The following ERBB4 variants were observed in gnomAD, a reference collection of about 807,000 sequenced individuals.
ERBB4 encodes the protein receptor tyrosine-protein kinase erbB-4.
A neutral mutation model predicts 158.0 loss-of-function variants in ERBB4; 42 were observed. The observed-to-expected ratio is 0.27, with a 90% CI of 0.21 to 0.34. ERBB4 has a LOEUF of 0.34. Ranked by LOEUF, ERBB4 falls within the 10% of genes least tolerant of loss-of-function variation. The pLI is 1.00. For synonymous variants in ERBB4, 583 were observed against 558.7 expected, an observed-to-expected ratio of 1.04 and a Z score of -0.61; for missense variants, 1,333 against 1,624.1, an observed-to-expected ratio of 0.82 and a Z score of 3.08.
intron 1 of ERBB4, among the ~76,000 whole-genome samples, chr2:212,397,103 TATAA>T (rs1421314497): frequency 1.3e-5 from 2 of 152,172 alleles, no homozygotes; most frequent in East Asian, 1.9e-4. Context: ...TTAAAAAACA[TATAA>T]ATGTCTTATT....
intron 20 of ERBB4, among the ~76,000 whole-genome samples, chr2:211,458,168 CACA>C (rs2064432617): frequency 6.7e-6 from 1 of 148,334 alleles, no homozygotes; most frequent in Non-Finnish European, 1.5e-5. Context: ...ACACTGAGGT[CACA>C]ACACTTGCCC....
intron 15 of ERBB4, chr2:211,658,114 T>A: frequency 2.9e-6 from 2 of 688,624 alleles, no homozygotes; most frequent in Non-Finnish European, 4.7e-6. Context: ...TGGAACACAA[T>A]GAATTTCAAG....
At chr2:211,827,494 A>G (rs68029722) in intron 3 of ERBB4, among the ~76,000 whole-genome samples, 35,207 of 151,954 alleles carry the variant, frequency 0.23, 4,222 homozygotes, top group South Asian at 0.33. Flanking sequence ...TTCTGTTTGT[A>G]GTTAATTAAA....
chr2:212,249,655 C>T (rs559306679), intron 1 of ERBB4, among the ~76,000 whole-genome samples: 2 of 151,936 alleles, frequency 1.3e-5, no homozygotes, highest in South Asian at 4.1e-4. Context: ...CTGCTGCCCC[C>T]ACCTGGGCAT....
At chr2:211,906,135 G>A (rs2079386554) in intron 3 of ERBB4, among the ~76,000 whole-genome samples, 1 of 152,030 alleles carries the variant, frequency 6.6e-6, no homozygotes, top group Admixed American at 6.6e-5. Flanking sequence ...ACTGTTGGAA[G>A]GCAAGGTTGG....
chr2:211,764,766 A>C (rs1225721991), intron 4 of ERBB4, among the ~76,000 whole-genome samples: 1 of 152,188 alleles, frequency 6.6e-6, no homozygotes, highest in Non-Finnish European at 1.5e-5. Flanking sequence ...CACCCAAAAT[A>C]TATTAGAACA....
chr2:212,253,044 G>A (rs16848098), intron 1 of ERBB4, among the ~76,000 whole-genome samples: 6,871 of 152,124 alleles, frequency 0.045, 479 homozygotes, highest in African/African-American at 0.16. Context: ...ATTGAGAAAA[G>A]TCGTCAGTTA....
intron 1 of ERBB4, among the ~76,000 whole-genome samples, chr2:212,163,404 C>G (rs1521652): frequency 0.87 from 131,447 of 151,954 alleles, 58,140 homozygotes; most frequent in African/African-American, 0.91. Context: ...TAATTTAACC[C>G]AGTCAGTGCT....
intron 20 of ERBB4, among the ~76,000 whole-genome samples, chr2:211,553,658 A>T (rs1018820455): frequency 6.6e-6 from 1 of 152,180 alleles, no homozygotes; most frequent in African/African-American, 2.4e-5. Context: ...TCTTATCCTT[A>T]AAATTACCCT....
chr2:212,008,034 A>G (rs781354611), intron 2 of ERBB4, among the ~76,000 whole-genome samples: 125 of 152,188 alleles, frequency 8.2e-4, no homozygotes, highest in Non-Finnish European at 6.6e-4. Context: ...GATAACAAAC[A>G]TAAGCATATT....
At position 211,488,012 on chromosome 2, in the gene ERBB4, T is replaced by G. The variant is rs534659865; in HGVS notation, c.2488-56912A>C. ...AGTAATTAAGAAATGTCAGTGCTTC[T>G]CTGGAAAAAAAATTAACACTCATAC... On this transcript the variant is annotated intron_variant, in intron 20 of 27. Coordinates refer to ENST00000342788, the MANE Select transcript of ERBB4 (RefSeq NM_005235.3). Among the ~76,000 whole-genome samples the G allele has an allele frequency of 5.3e-5, 8 of 151,766 alleles. No individual in the cohort carries two copies. In the South Asian group the frequency reaches 1.7e-3, roughly 32 times the overall value.
intron 1 of ERBB4, among the ~76,000 whole-genome samples, chr2:212,289,194 T>C (rs2086115063): frequency 6.6e-6 from 1 of 152,198 alleles, no homozygotes; most frequent in African/African-American, 2.4e-5. Context: ...ATTTCAAGAA[T>C]CTACTTTTTT....
At chr2:211,713,447 A>C in intron 8 of ERBB4, 88 bp downstream of exon 8, 1 of 782,196 alleles carries the variant, frequency 1.3e-6, no homozygotes, top group South Asian at 1.4e-5. Flanking sequence ...GAGTGGGTTT[A>C]TATTAAAAAG....
chr2:212,133,998 C>T (rs1304661461), intron 1 of ERBB4, among the ~76,000 whole-genome samples: 1 of 152,058 alleles, frequency 6.6e-6, no homozygotes. Flanking sequence ...ATGAGCACAA[C>T]ATTTCTAGGA....
At chr2:212,142,414 G>C (rs747260887) in intron 1 of ERBB4, among the ~76,000 whole-genome samples, 82 of 151,560 alleles carry the variant, frequency 5.4e-4, no homozygotes, top group Middle Eastern at 3.4e-3. Flanking sequence ...TGGAATTCTG[G>C]CTAGAATTCC....
At chr2:211,964,792 T>G (rs990678799) in intron 2 of ERBB4, among the ~76,000 whole-genome samples, 1 of 152,158 alleles carries the variant, frequency 6.6e-6, no homozygotes, top group African/African-American at 2.4e-5. Flanking sequence ...CTACAGGACA[T>G]TTTTCTACTA....
chr2:212,299,769 T>C (rs1408705640), intron 1 of ERBB4, among the ~76,000 whole-genome samples: 1 of 151,650 alleles, frequency 6.6e-6, no homozygotes, highest in Non-Finnish European at 1.5e-5. Flanking sequence ...CAGTCTGTTG[T>C]TTGAAAAAGA....
intron 1 of ERBB4, among the ~76,000 whole-genome samples, chr2:212,251,584 A>C (rs987294609): frequency 6.6e-6 from 1 of 152,004 alleles, no homozygotes; most frequent in African/African-American, 2.4e-5. Flanking sequence ...CTAGATGAAG[A>C]AAGTGAGAGA....
At chr2:211,765,759 T>C (rs2075537193) in intron 4 of ERBB4, among the ~76,000 whole-genome samples, 1 of 152,244 alleles carries the variant, frequency 6.6e-6, no homozygotes, top group South Asian at 2.1e-4. Flanking sequence ...TGGTTGTCCA[T>C]CATTGTATTG....
Sources: allele counts gnomAD v4.1 joint callset (sites outside exome capture counted in the v4.1 genomes callset), GRCh38; gene constraint gnomAD v4.1.1; transcripts MANE v1.5; gene names NCBI Gene and HGNC (gene_info 2026-07-23, HGNC 2026-07-21).